Variants in PARD3 observed in about 807,000 individuals in gnomAD.
PARD3 encodes par-3 family cell polarity regulator.
PARD3 carries 75 observed loss-of-function variants against 155.4 expected under a neutral mutation model. That is an observed-to-expected ratio of 0.48 (90% CI 0.40 to 0.58). The LOEUF (loss-of-function observed/expected upper bound fraction) is 0.58, where lower values mean the gene tolerates loss of function less well. PARD3 is among the 20% of genes least tolerant of loss of function. PARD3 has a pLI of 0.00. For synonymous variants in PARD3, 576 were observed against 610.5 expected (o/e 0.94, Z 0.83); for missense variants, 1,642 against 1,721.7 (o/e 0.95, Z 0.82).
In PARD3 at chr10:34,429,088, CAAATT is replaced by C. The variant is rs368633614; in HGVS notation, c.714+21224_714+21228del. ...ATGAATTCACATTGAAAACATCATA[CAAATT>C]AATTCCTTTTATATTTTAAAGCCAA... On this transcript the variant is annotated intron_variant, in intron 5 of 24. Coordinates refer to ENST00000374788, the MANE Select transcript of PARD3 (RefSeq NM_001184785.2). Among the ~76,000 whole-genome samples the C allele has an allele frequency of 2.2e-3, 340 of 152,248 alleles. 1 individual carries two copies. Among genetic ancestry groups the C allele is most frequent in the African/African-American group, 7.7e-3 (319 of 41,550 alleles).
At chr10:34,495,835 GA>G (rs34399388) in intron 3 of PARD3, among the ~76,000 whole-genome samples, 29,227 of 118,716 alleles carry the variant, frequency 0.25, 6,523 homozygotes, top group African/African-American at 0.59. Flanking sequence ...CTTTTAAAAA[GA>G]AAAAAAAAAA....
chr10:34,257,306 G>A (rs1304418315), intron 22 of PARD3, among the ~76,000 whole-genome samples: 1 of 152,166 alleles, frequency 6.6e-6, no homozygotes, highest in African/African-American at 2.4e-5. Flanking sequence ...CCTTATGCAG[G>A]AGCAAGGAAG....
chr10:34,333,987 T>C (rs577680700), intron 18 of PARD3, among the ~76,000 whole-genome samples: 2 of 152,082 alleles, frequency 1.3e-5, no homozygotes, highest in East Asian at 3.9e-4. Flanking sequence ...AACAGCATTT[T>C]ACTAGTAATG....
chr10:34,337,606 T>C (rs985128988), intron 16 of PARD3, among the ~76,000 whole-genome samples, 180 bp from the exon 17 acceptor site: 1 of 152,088 alleles, frequency 6.6e-6, no homozygotes, highest in African/African-American at 2.4e-5. Flanking sequence ...TAGAAAGTGA[T>C]AGAAAAATAC....
rs142049091 is a variant in PARD3, at chr10:34,270,300, G to A, written c.3177-401C>T. ...AGGGATTACACGTGTGCACCACCAC[G>A]CCTGGCTAATTTTTGTATTTTCAGT... On this transcript the variant is annotated intron_variant, in intron 21 of 24. Coordinates refer to ENST00000374788, the MANE Select transcript of PARD3 (RefSeq NM_001184785.2). 8.3e-3 allele frequency among the ~76,000 whole-genome samples: 1,264 copies of A among 152,014 alleles called. 21 individuals carry two copies. The highest frequency in any genetic ancestry group is 0.029 in the African/African-American group (1,183 of 41,460).
At chr10:34,164,534 G>GCAGAATATGAC in intron 22 of PARD3, among the ~76,000 whole-genome samples, 1 of 152,148 alleles carries the variant, frequency 6.6e-6, no homozygotes, top group East Asian at 1.9e-4. Context: ...ACTATTCTCA[G>GCAGAATATGAC]CAGAATATGA....
rs924853680 is a variant in PARD3, at chr10:34,797,989, G to T, written c.120+16887C>A. ...ATATCCAGCCTGGGCAACAGCACAA[G>T]ACTCGGTCTCAAAAAAGAAAACACA... On this transcript the variant is annotated intron_variant, in intron 1 of 24. Transcript: ENST00000374788. Among the ~76,000 whole-genome samples the T allele has an allele frequency of 3.9e-5, 6 of 152,098 alleles. 1 individual carries two copies. The highest frequency in any genetic ancestry group is 7.3e-5 in the Non-Finnish European group (5 of 68,032).
intron 24 of PARD3, among the ~76,000 whole-genome samples, chr10:34,112,021 GA>G: frequency 6.6e-6 from 1 of 152,334 alleles, no homozygotes; most frequent in Admixed American, 6.5e-5. Flanking sequence ...CATAATGCCA[GA>G]AGCGCTAGCT....
chr10:34,568,224 G>A (rs2086116010), intron 2 of PARD3, among the ~76,000 whole-genome samples: 1 of 152,128 alleles, frequency 6.6e-6, no homozygotes, highest in Non-Finnish European at 1.5e-5. Flanking sequence ...TGACCATAAA[G>A]GTAAATCGAA....
chr10:34,646,605 G>A (rs1278428440), intron 2 of PARD3, among the ~76,000 whole-genome samples: 1 of 152,090 alleles, frequency 6.6e-6, no homozygotes, highest in African/African-American at 2.4e-5. Context: ...TCTCTATCAC[G>A]GAATATTCTT....
At chr10:34,611,723 T>C (rs944724835) in intron 2 of PARD3, among the ~76,000 whole-genome samples, 1 of 151,648 alleles carries the variant, frequency 6.6e-6, no homozygotes, top group Non-Finnish European at 1.5e-5. Flanking sequence ...CATAATGAAA[T>C]GGGGACGGGA....
At chr10:34,145,180 T>A (rs1239715732) in intron 22 of PARD3, among the ~76,000 whole-genome samples, 1 of 90,728 alleles carries the variant, frequency 1.1e-5, no homozygotes, top group African/African-American at 4.8e-5. Flanking sequence ...CTTCATTGTG[T>A]GTGTGTGTGT....
In PARD3 at chr10:34,807,187, T is replaced by C. The variant is rs540847769; in HGVS notation, c.120+7689A>G. Among the ~76,000 whole-genome samples, 3 of 152,278 alleles carry C rather than the reference T, an allele frequency of 2.0e-5. No homozygotes were observed. In the East Asian group the frequency reaches 5.8e-4, roughly 29 times the overall value. ...TTACCAGACACTAAACAGGACACATTGGACAGGCCTGAGAAAGCAGGGATT... is the reference window on the plus strand; with the variant it reads ...TTACCAGACACTAAACAGGACACATCGGACAGGCCTGAGAAAGCAGGGATT... On this transcript the variant is annotated intron_variant, in intron 1 of 24. Coordinates refer to ENST00000374788, the MANE Select transcript of PARD3 (RefSeq NM_001184785.2).
intron 3 of PARD3, among the ~76,000 whole-genome samples, chr10:34,507,551 A>AAAAAAAAAAAC (rs2081157546): frequency 3.6e-5 from 2 of 55,908 alleles, no homozygotes; most frequent in East Asian, 5.3e-4. Flanking sequence ...AAAAAAACAA[A>AAAAAAAAAAAC]AAAAAAAAAA....
chr10:34,185,142 GT>G lies in PARD3; in HGVS notation c.3420-53560del, dbSNP rs1950429862. 2.0e-5 allele frequency among the ~76,000 whole-genome samples: 3 copies of G among 152,132 alleles called. No individual in the cohort carries two copies. The South Asian group carries it at 6.2e-4, about 32-fold the overall frequency. ...ATCACTTTTAGGGCCTAGACCCCTG[GT>G]TTATTTTGTTATGTAGATTGGATGA... On this transcript the variant is annotated intron_variant, in intron 22 of 24. Transcript: ENST00000374788.
At chr10:34,375,179 G>C (rs891462139) in intron 10 of PARD3, among the ~76,000 whole-genome samples, 177 bp from the exon 11 acceptor site, 1 of 151,882 alleles carries the variant, frequency 6.6e-6, no homozygotes, top group Admixed American at 6.6e-5. Flanking sequence ...AAGGTTTTGT[G>C]ACTAATAAAG....
chr10:34,732,524 T>C (rs529772291), intron 1 of PARD3, among the ~76,000 whole-genome samples: 88 of 152,252 alleles, frequency 5.8e-4, no homozygotes, highest in East Asian at 1.2e-3. Context: ...CAAGGCTCCA[T>C]TTCTACGAAA....
At chr10:34,217,653 T>G (rs1244476837) in intron 22 of PARD3, among the ~76,000 whole-genome samples, 2 of 152,062 alleles carry the variant, frequency 1.3e-5, no homozygotes, top group African/African-American at 4.8e-5. Context: ...AGGAGAAGCT[T>G]TGTAATCATG....
Position 34,157,305 on chromosome 10 carries a change from C to A in PARD3, c.3420-25722G>T, listed in dbSNP as rs7478379. Among the ~76,000 whole-genome samples, 815 of 152,208 alleles carry A rather than the reference C, an allele frequency of 5.4e-3. 7 individuals are homozygous for A. The highest frequency in any genetic ancestry group is 0.027 in the Middle Eastern group (8 of 294). Reference sequence around the variant, plus strand: ...GCTCAGCTGTCTTAGATTCATGCTGCGTTGTAGCTGTTTGTTTACTGGACT... The same window carrying A: ...GCTCAGCTGTCTTAGATTCATGCTGAGTTGTAGCTGTTTGTTTACTGGACT... On this transcript the variant is annotated intron_variant, in intron 22 of 24. Coordinates refer to ENST00000374788, the MANE Select transcript of PARD3 (RefSeq NM_001184785.2).
Sources: gnomAD v4.1 joint callset for allele counts (sites outside exome capture counted in the v4.1 genomes callset) on GRCh38, gnomAD v4.1.1 for gene constraint, MANE v1.5 for transcripts, NCBI Gene and HGNC (gene_info 2026-07-23, HGNC 2026-07-21) for gene names.